The following ABCB11 variants were observed in gnomAD, a reference collection of about 807,000 sequenced individuals.
The protein encoded by ABCB11 is ATP binding cassette subfamily B member 11.
Under a neutral mutation model 148.0 loss-of-function variants are expected in ABCB11, and 95 were observed. The observed-to-expected ratio is 0.64, with a 90% CI of 0.54 to 0.76. ABCB11 has a LOEUF of 0.76. ABCB11 is among the 30% of genes least tolerant of loss of function. The pLI, the probability that ABCB11 is intolerant of heterozygous loss-of-function variation, is 0.00. For missense variants in ABCB11, 1,523 were observed against 1,617.8 expected (o/e 0.94, Z 1.01); for synonymous variants, 591 against 555.4 (o/e 1.06, Z -0.90).
intron 5 of ABCB11, among the ~76,000 whole-genome samples, chr2:168,998,796 T>C (rs1694792358): frequency 6.6e-6 from 1 of 152,100 alleles, no homozygotes; most frequent in Non-Finnish European, 1.5e-5. Context: ...TAAAGATATA[T>C]GCAGTTTATC....
At chr2:168,935,476 T>C (rs1310920656) in intron 22 of ABCB11, 51 bp from the exon 23 acceptor site, 45 of 1,562,194 alleles carry the variant, frequency 2.9e-5, no homozygotes, top group Non-Finnish European at 3.8e-5. Flanking sequence ...ATAACTCCTT[T>C]CGTGACATTT....
rs1321333271 is a variant in ABCB11, at chr2:168,964,197, G to A, written c.2178+9C>T. 3.9e-6 allele frequency: 6 copies of A among 1,546,070 alleles called. No individual in the cohort carries two copies. In the East Asian group the frequency reaches 9.7e-5, roughly 25 times the overall value. On this transcript the variant is annotated intron_variant, in intron 18 of 27. Transcript: ENST00000650372. ...TTCCATTCCCCCCCATAAGCAGTTG[G>A]TGCCTGACCTTTCTATCTTCTTCAT...
At chr2:169,001,637 G>A (rs1187014077) in intron 5 of ABCB11, among the ~76,000 whole-genome samples, 4 of 152,148 alleles carry the variant, frequency 2.6e-5, no homozygotes, top group African/African-American at 9.7e-5. Flanking sequence ...ATGGGTGAGA[G>A]TGAGGTCACC....
At chr2:169,009,729 T>TA (rs1438610931) in intron 5 of ABCB11, among the ~76,000 whole-genome samples, 2 of 150,616 alleles carry the variant, frequency 1.3e-5, no homozygotes, top group Non-Finnish European at 3.0e-5. Flanking sequence ...AAAGTATAAT[T>TA]AAAAAAAAGG....
Position 168,968,495 on chromosome 2 carries a change from T to C in ABCB11, c.2012-5A>G. ...GCATGTCATCTTCAGTTGCATCTAC[T>C]CAACACAGCATGAGCAATTTTTTAG... On this transcript the variant is annotated splice_polypyrimidine_tract_variant and splice_region_variant and intron_variant, in intron 16 of 27. Transcript: ENST00000650372. The C allele has an allele frequency of 2.5e-6, 4 of 1,609,608 alleles. No individual in the cohort carries two copies. The highest frequency in any genetic ancestry group is 3.4e-6 in the Non-Finnish European group (4 of 1,177,404).
chr2:168,925,449 T>C (rs960340007), intron 26 of ABCB11, among the ~76,000 whole-genome samples: 1 of 152,146 alleles, frequency 6.6e-6, no homozygotes, highest in Non-Finnish European at 1.5e-5. Flanking sequence ...ATTCATAGAG[T>C]GTTTACCATA....
At position 168,923,704 on chromosome 2, in the gene ABCB11, A is replaced by C; in HGVS notation, c.3884T>G (p.Ile1295Ser). The part of the protein sequence containing the change: ...IIAVMAQGVV[I>S]EKGTHEELMA... ...CAGTTCTTCATGGGTCCCCTTTTCA[A>C]TCACCACCCCCTGTGCCATGACAGC... Residue 1295 changes from isoleucine to serine, a missense_variant, in exon 28 of 28, where the codon ATT (isoleucine) becomes AGT (serine). Ile to Ser is a moderately radical substitution (Grantham distance 142). Coordinates refer to ENST00000650372, the MANE Select transcript of ABCB11 (RefSeq NM_003742.4). The C allele has an allele frequency of 6.2e-7, 1 of 1,613,686 alleles. No homozygotes were observed. The highest frequency in any genetic ancestry group is 1.1e-5 in the South Asian group (1 of 91,052).
At chr2:169,026,397 C>G (rs955828605) in intron 1 of ABCB11, among the ~76,000 whole-genome samples, 17 of 152,146 alleles carry the variant, frequency 1.1e-4, no homozygotes, top group Admixed American at 5.2e-4. Context: ...GAAATGGAAG[C>G]TAGTCCCTTT....
At chr2:168,963,289 C>A (rs1169938448) in intron 18 of ABCB11, among the ~76,000 whole-genome samples, 1 of 151,698 alleles carries the variant, frequency 6.6e-6, no homozygotes, top group Admixed American at 6.6e-5. Context: ...GGTTAGGTAA[C>A]CAAGTTGATT....
At chr2:168,952,147 T>G (rs1211121231) in intron 19 of ABCB11, among the ~76,000 whole-genome samples, 4 of 151,750 alleles carry the variant, frequency 2.6e-5, no homozygotes, top group Non-Finnish European at 5.9e-5. Flanking sequence ...TTGTTAAGGA[T>G]TTTTACATCT....
chr2:169,018,084 T>A lies in ABCB11; in HGVS notation c.42A>T (p.Gly14=). 6.2e-7 allele frequency: 1 copy of A among 1,613,626 alleles called. No homozygotes were observed. The highest frequency in any genetic ancestry group is 8.5e-7 in the Non-Finnish European group (1 of 1,179,676). ...CTGACTCAAAACCATCATTCTCCTC[T>A]CCAAATTTCTTTATACTTCGAAGAA... is the stretch of plus-strand genomic sequence containing the variant. The part of the protein sequence containing the change: ...SVILRSIKKF[G]EENDGFESDK... The change falls in exon 2 of 28, where the codon GGA becomes GGT. Residue 14 remains glycine, a synonymous_variant. Coordinates refer to ENST00000650372, the MANE Select transcript of ABCB11 (RefSeq NM_003742.4).
chr2:169,027,686 G>C (rs887355267), intron 1 of ABCB11, among the ~76,000 whole-genome samples: 7 of 152,096 alleles, frequency 4.6e-5, no homozygotes, highest in African/African-American at 1.7e-4. Context: ...TCCTGAGGCT[G>C]TCAAAATTGG....
intron 27 of ABCB11, among the ~76,000 whole-genome samples, chr2:168,924,441 A>G (rs1283441460): frequency 6.6e-6 from 1 of 152,194 alleles, no homozygotes; most frequent in African/African-American, 2.4e-5. Context: ...AAGAATCTTA[A>G]AAACAATTCT....
intron 5 of ABCB11, among the ~76,000 whole-genome samples, chr2:168,998,195 C>G (rs770699833): frequency 6.6e-6 from 1 of 152,030 alleles, no homozygotes; most frequent in Non-Finnish European, 1.5e-5. Context: ...TGAGTCAATT[C>G]TCTTCATTTT....
At chr2:168,948,217 G>A (rs1005347493) in intron 19 of ABCB11, among the ~76,000 whole-genome samples, 2 of 151,736 alleles carry the variant, frequency 1.3e-5, no homozygotes, top group Admixed American at 1.3e-4. Flanking sequence ...AAGAGGTAAA[G>A]AAATAATCAG....
chr2:168,996,621 GA>G lies in ABCB11; in HGVS notation c.477+13del. ...CAGATATTGATCTATAAATTATACG[GA>G]GGAGCTACTAACTTGAATATATCCT... is the stretch of plus-strand genomic sequence containing the variant. On this transcript the variant is annotated intron_variant, in intron 6 of 27. Transcript: ENST00000650372. 7.0e-7 allele frequency: 1 copy of G among 1,434,350 alleles called. No individual in the cohort carries two copies. The highest frequency in any genetic ancestry group is 1.5e-5 in the South Asian group (1 of 68,330). 88.9% of individuals were successfully genotyped at this position (1,434,350 alleles called of 1,614,324 possible).
At chr2:168,999,272 T>C (rs1316711470) in intron 5 of ABCB11, among the ~76,000 whole-genome samples, 2 of 149,722 alleles carry the variant, frequency 1.3e-5, no homozygotes, top group African/African-American at 5.1e-5. Context: ...TTTTGGAAAC[T>C]TTTTACCTTT....
chr2:168,981,958 T>C (rs1235885920), intron 10 of ABCB11, among the ~76,000 whole-genome samples: 2 of 152,150 alleles, frequency 1.3e-5, no homozygotes, highest in Non-Finnish European at 2.9e-5. Flanking sequence ...AAATTGAAGT[T>C]TGGGGTCCAA....
intron 27 of ABCB11, 25 bp downstream of exon 27, chr2:168,924,632 A>G (rs775764133): frequency 6.2e-7 from 1 of 1,612,646 alleles, no homozygotes; most frequent in East Asian, 2.2e-5. Context: ...GTAATGATCT[A>G]AGACTTTAGA....
Sources: gnomAD v4.1 joint callset for allele counts (sites outside exome capture counted in the v4.1 genomes callset) on GRCh38, gnomAD v4.1.1 for gene constraint, MANE v1.5 for transcripts, NCBI Gene and HGNC (gene_info 2026-07-23, HGNC 2026-07-21) for gene names.